PPA2: variants seen among roughly 807,000 people sequenced by gnomAD.
PPA2 encodes the protein inorganic pyrophosphatase 2.
A neutral mutation model predicts 49.5 loss-of-function variants in PPA2; 48 were observed. That is an observed-to-expected ratio of 0.97 (90% CI 0.77 to 1.23). The LOEUF is 1.23. PPA2 is among the 50% of genes most tolerant of loss of function. PPA2 has a pLI of 0.00. For missense variants in PPA2, 429 were observed against 410.1 expected (o/e 1.05, Z -0.40); for synonymous variants, 131 against 139.9 (o/e 0.94, Z 0.45).
At chr4:105,401,199 TGA>T (rs1192777020) in intron 7 of PPA2, among the ~76,000 whole-genome samples, 2 of 152,130 alleles carry the variant, frequency 1.3e-5, no homozygotes, top group East Asian at 1.9e-4. Flanking sequence ...ACGAAATTCC[TGA>T]GAGTTAAAAA....
chr4:105,395,545 TTAAGTAGGTTATA>T (rs1184675241), intron 9 of PPA2, among the ~76,000 whole-genome samples: 1 of 152,130 alleles, frequency 6.6e-6, no homozygotes, highest in Non-Finnish European at 1.5e-5. Context: ...TCTGTGAACA[TTAAGTAGGTTATA>T]AAACTAACGA....
intron 5 of PPA2, among the ~76,000 whole-genome samples, chr4:105,440,986 T>A (rs1724334845): frequency 6.6e-6 from 1 of 152,216 alleles, no homozygotes; most frequent in South Asian, 2.1e-4. Context: ...GCCTTAGTTT[T>A]TACTACAAAA....
intron 10 of PPA2, among the ~76,000 whole-genome samples, chr4:105,373,418 C>G (rs1287566820): frequency 6.6e-6 from 1 of 151,868 alleles, no homozygotes; most frequent in Non-Finnish European, 1.5e-5. Context: ...GTGCAGGATG[C>G]CTATTTGTGT....
chr4:105,396,224 T>A (rs199706637), intron 9 of PPA2, 25 bp downstream of exon 9: 3 of 1,424,310 alleles, frequency 2.1e-6, no homozygotes, highest in South Asian at 2.6e-5. Context: ...ATAACATTAC[T>A]TACATAGAAA....
intron 5 of PPA2, among the ~76,000 whole-genome samples, chr4:105,444,022 C>T (rs771173326): frequency 4.6e-5 from 7 of 152,166 alleles, no homozygotes; most frequent in Non-Finnish European, 1.0e-4. Context: ...TGACATTTTA[C>T]TTGGGGTTTA....
At chr4:105,412,069 T>C (rs2110252094) in intron 7 of PPA2, among the ~76,000 whole-genome samples, 1 of 152,274 alleles carries the variant, frequency 6.6e-6, no homozygotes, top group Non-Finnish European at 1.5e-5. Flanking sequence ...ATGACTTTCT[T>C]CACAGAATTG....
At chr4:105,447,247 G>A (rs531447295) in intron 4 of PPA2, among the ~76,000 whole-genome samples, 1 of 152,268 alleles carries the variant, frequency 6.6e-6, no homozygotes, top group South Asian at 2.1e-4. Context: ...TGGCAACATG[G>A]ATGAAACTGG....
intron 9 of PPA2, among the ~76,000 whole-genome samples, chr4:105,388,849 A>T (rs63174762): frequency 6.7e-6 from 1 of 148,190 alleles, no homozygotes; most frequent in Admixed American, 6.8e-5. Context: ...AAAAAAAAAA[A>T]TTAGCTGTTT....
intron 7 of PPA2, among the ~76,000 whole-genome samples, chr4:105,402,221 A>T (rs1264635327): frequency 6.6e-6 from 1 of 152,106 alleles, no homozygotes; most frequent in Non-Finnish European, 1.5e-5. Context: ...ATTCTGGGCA[A>T]CATAGTGAGA....
chr4:105,429,009 T>A (rs959757543), intron 6 of PPA2, among the ~76,000 whole-genome samples: 1 of 152,154 alleles, frequency 6.6e-6, no homozygotes, highest in African/African-American at 2.4e-5. Context: ...ACACAATAGG[T>A]AGTTGCCTGT....
chr4:105,465,976 A>T (rs1322547094), intron 1 of PPA2, among the ~76,000 whole-genome samples: 1 of 151,964 alleles, frequency 6.6e-6, no homozygotes, highest in Non-Finnish European at 1.5e-5. Flanking sequence ...TATCTCTGAC[A>T]TTTTGTTCTA....
chr4:105,440,879 T>G (rs1411760288), intron 5 of PPA2, among the ~76,000 whole-genome samples: 3 of 150,678 alleles, frequency 2.0e-5, no homozygotes, highest in Non-Finnish European at 4.4e-5. Flanking sequence ...TCTACAATAT[T>G]GTTATGTTTA....
At chr4:105,381,880 T>C (rs1299129061) in intron 10 of PPA2, among the ~76,000 whole-genome samples, 1 of 152,010 alleles carries the variant, frequency 6.6e-6, no homozygotes, top group African/African-American at 2.4e-5. Flanking sequence ...CTACTCTTTA[T>C]AATTTTCTTC....
intron 5 of PPA2, 132 bp from the exon 6 acceptor site, chr4:105,438,168 C>A: frequency 1.6e-6 from 1 of 641,330 alleles, no homozygotes; most frequent in South Asian, 2.2e-5. Context: ...TTACATAGGC[C>A]CAAGGCCAAC....
chr4:105,465,790 T>C (rs1055600029), intron 1 of PPA2, among the ~76,000 whole-genome samples: 2 of 151,950 alleles, frequency 1.3e-5, no homozygotes, highest in African/African-American at 4.9e-5. Flanking sequence ...AGCTGTATAA[T>C]AATGTGACTG....
chr4:105,419,139 T>G (rs1375178443), intron 7 of PPA2, among the ~76,000 whole-genome samples: 1 of 150,370 alleles, frequency 6.7e-6, no homozygotes, highest in Non-Finnish European at 1.5e-5. Flanking sequence ...GTGCTCTGTT[T>G]TTTTGTTTTG....
At chr4:105,456,611 C>A in intron 2 of PPA2, 70 bp downstream of exon 2, 1 of 1,306,626 alleles carries the variant, frequency 7.7e-7, no homozygotes, top group South Asian at 1.4e-5. Flanking sequence ...TTTCAAGGTG[C>A]TTCCAAAAAG....
At chr4:105,388,664 T>C (rs1206549656) in intron 9 of PPA2, among the ~76,000 whole-genome samples, 2 of 151,546 alleles carry the variant, frequency 1.3e-5, no homozygotes, top group African/African-American at 2.4e-5. Context: ...ATCTCTATTA[T>C]AAATACAAAA....
In PPA2 at chr4:105,370,821, T is replaced by C; in HGVS notation, c.976+16A>G. The C allele has an allele frequency of 7.1e-7, 1 of 1,416,882 alleles. No individual in the cohort carries two copies. The highest frequency in any genetic ancestry group is 9.4e-7 in the Non-Finnish European group (1 of 1,068,686). The allele number at this position is 1,416,882 out of a possible 1,614,324, so 87.8% of individuals were successfully genotyped here. On this transcript the variant is annotated intron_variant, in intron 11 of 11. Transcript: ENST00000341695. ...ATTTATACATGTTACTCTTAATGAA[T>C]CAAAATATACTATACCTTCTTCATT...
Sources: gnomAD v4.1 joint callset for allele counts (sites outside exome capture counted in the v4.1 genomes callset) on GRCh38, gnomAD v4.1.1 for gene constraint, MANE v1.5 for transcripts, NCBI Gene and HGNC (gene_info 2026-07-23, HGNC 2026-07-21) for gene names.